CCSER1: variants seen among roughly 807,000 people sequenced by gnomAD.
CCSER1 encodes the protein serine-rich coiled-coil domain-containing protein 1.
Under a neutral mutation model 82.0 loss-of-function variants are expected in CCSER1, and 41 were observed. That is an observed-to-expected ratio of 0.50 (90% CI 0.39 to 0.65). The LOEUF (loss-of-function observed/expected upper bound fraction) is 0.65. Among genes scored for constraint, CCSER1 ranks in the 30% least tolerant of loss-of-function variants. CCSER1 has a pLI of 0.00. For synonymous variants in CCSER1, 414 were observed against 383.9 expected (o/e 1.08, Z -0.92); for missense variants, 1,119 against 1,064.2 (o/e 1.05, Z -0.72).
intron 10 of CCSER1, among the ~76,000 whole-genome samples, chr4:91,316,210 T>C (rs1560585082): frequency 6.6e-6 from 1 of 151,972 alleles, no homozygotes; most frequent in Admixed American, 6.6e-5. Context: ...CAGTCTTGAG[T>C]ATGCCTTTAT....
At chr4:90,932,908 GAGA>G (rs1730057480) in intron 9 of CCSER1, among the ~76,000 whole-genome samples, 1 of 33,474 alleles carries the variant, frequency 3.0e-5, no homozygotes. Context: ...GAGAAAGAAG[GAGA>G]AAGAAAGAAA....
chr4:91,598,474 C>A, intron 10 of CCSER1, 98 bp from the exon 11 acceptor site: 2 of 1,251,676 alleles, frequency 1.6e-6, no homozygotes, highest in Non-Finnish European at 2.2e-6. Context: ...TGAAAATTTA[C>A]GGGTTCAGAC....
At chr4:91,165,259 C>T (rs536920546) in intron 10 of CCSER1, among the ~76,000 whole-genome samples, 9 of 152,260 alleles carry the variant, frequency 5.9e-5, no homozygotes, top group East Asian at 3.9e-4. Context: ...GTATGACCAG[C>T]GGAGGTTGCA....
intron 5 of CCSER1, among the ~76,000 whole-genome samples, chr4:90,596,817 A>G (rs922408387): frequency 6.6e-6 from 1 of 151,986 alleles, no homozygotes; most frequent in Non-Finnish European, 1.5e-5. Context: ...TAACAATTTC[A>G]GAAAAGACCA....
At chr4:91,180,152 C>T (rs891691383) in intron 10 of CCSER1, among the ~76,000 whole-genome samples, 8 of 152,338 alleles carry the variant, frequency 5.3e-5, no homozygotes, top group Non-Finnish European at 7.3e-5. Flanking sequence ...GTTGTTGCTG[C>T]CTCATCCTTC....
chr4:90,332,149 G>C lies in CCSER1; in HGVS notation c.1509+19102G>C, dbSNP rs189275340. Among the ~76,000 whole-genome samples the C allele has an allele frequency of 3.3e-5, 5 of 152,126 alleles. No individual in the cohort carries two copies. The East Asian group carries it at 9.6e-4, about 29-fold the overall frequency. ...GTGAATCTTTTACTTTAAAGAAAAA[G>C]TTAACCAAACTTACTTTCATGCTTT... On this transcript the variant is annotated intron_variant, in intron 3 of 10. Transcript: ENST00000509176.
chr4:90,908,366 T>C (rs963798845), intron 8 of CCSER1, among the ~76,000 whole-genome samples: 4 of 152,090 alleles, frequency 2.6e-5, no homozygotes, highest in African/African-American at 9.7e-5. Context: ...AGGAGAGTCA[T>C]GTTTGCAAGT....
chr4:90,720,940 G>A (rs142358076), intron 6 of CCSER1, among the ~76,000 whole-genome samples: 4 of 151,916 alleles, frequency 2.6e-5, no homozygotes, highest in Admixed American at 2.6e-4. Flanking sequence ...GAAATCGCTT[G>A]TCAATTAAGG....
chr4:91,046,707 G>GTTT (rs1325278484), intron 9 of CCSER1, among the ~76,000 whole-genome samples: 1 of 151,712 alleles, frequency 6.6e-6, no homozygotes, highest in Non-Finnish European at 1.5e-5. Context: ...TGTTGTTGTT[G>GTTT]TTGTTGTTTT....
chr4:90,306,045 C>A (rs1734210475), intron 1 of CCSER1, among the ~76,000 whole-genome samples: 1 of 152,102 alleles, frequency 6.6e-6, no homozygotes, highest in Non-Finnish European at 1.5e-5. Flanking sequence ...ACCTGGAGGA[C>A]ATTATGCTCA....
intron 10 of CCSER1, among the ~76,000 whole-genome samples, chr4:91,402,610 T>C (rs886186611): frequency 6.6e-6 from 1 of 152,234 alleles, no homozygotes; most frequent in Non-Finnish European, 1.5e-5. Flanking sequence ...GCTTTCTACA[T>C]ATGGCTAGCC....
intron 7 of CCSER1, among the ~76,000 whole-genome samples, chr4:90,734,562 T>C (rs987032885): frequency 2.0e-5 from 3 of 152,220 alleles, no homozygotes; most frequent in Non-Finnish European, 4.4e-5. Flanking sequence ...TTTATTTTTG[T>C]TTATAGCTAT....
chr4:91,039,712 AG>A (rs398107639), intron 9 of CCSER1, among the ~76,000 whole-genome samples: 4 of 53,448 alleles, frequency 7.5e-5, no homozygotes, highest in South Asian at 5.9e-4. Flanking sequence ...TATATATATG[AG>A]TATCTTTCTG....
intron 10 of CCSER1, among the ~76,000 whole-genome samples, chr4:91,235,867 G>A (rs1220717296): frequency 6.6e-6 from 1 of 151,886 alleles, no homozygotes; most frequent in East Asian, 1.9e-4. Context: ...AGGTGCTGCT[G>A]GATTAAAAAA....
intron 1 of CCSER1, among the ~76,000 whole-genome samples, chr4:90,215,863 G>A (rs186571584): frequency 1.2e-4 from 18 of 152,288 alleles, no homozygotes; most frequent in Admixed American, 2.6e-4. Context: ...AGAACATGAA[G>A]CAGGAGAGAA....
At chr4:91,182,220 C>T (rs1734102856) in intron 10 of CCSER1, among the ~76,000 whole-genome samples, 1 of 152,186 alleles carries the variant, frequency 6.6e-6, no homozygotes, top group African/African-American at 2.4e-5. Context: ...CAGCATCTGG[C>T]TCATGATAAG....
intron 4 of CCSER1, among the ~76,000 whole-genome samples, chr4:90,460,045 G>C (rs190015054): frequency 6.8e-6 from 1 of 146,404 alleles, no homozygotes. Flanking sequence ...AAACTAAGGC[G>C]GCCGGGCGCG....
chr4:90,358,956 G>C (rs1385624774), intron 3 of CCSER1, among the ~76,000 whole-genome samples: 1 of 152,176 alleles, frequency 6.6e-6, no homozygotes, highest in East Asian at 1.9e-4. Context: ...TATAGTTGGA[G>C]ATATATTGAC....
chr4:91,062,039 T>A (rs1290622253), intron 9 of CCSER1, among the ~76,000 whole-genome samples: 2 of 152,002 alleles, frequency 1.3e-5, no homozygotes, highest in African/African-American at 4.8e-5. Context: ...TCTCTCTCTC[T>A]CTCTAGTTTT....
Sources: allele counts gnomAD v4.1 joint callset (sites outside exome capture counted in the v4.1 genomes callset), GRCh38; gene constraint gnomAD v4.1.1; transcripts MANE v1.5; gene names NCBI Gene and HGNC (gene_info 2026-07-23, HGNC 2026-07-21).